PHF12: variants seen among roughly 807,000 people sequenced by gnomAD.
PHF12 encodes PHD finger protein 12.
PHF12 carries 6 observed loss-of-function variants against 99.8 expected under a neutral mutation model. The ratio of observed to expected loss-of-function variants is 0.06; its 90% CI spans 0.03 to 0.12. The LOEUF (loss-of-function observed/expected upper bound fraction) is 0.12. Among genes scored for constraint, PHF12 ranks in the 10% least tolerant of loss-of-function variants. The pLI is 1.00. For missense variants in PHF12, 954 were observed against 1,300.1 expected, an observed-to-expected ratio of 0.73 and a Z score of 4.09; for synonymous variants, 480 against 514.9, an observed-to-expected ratio of 0.93 and a Z score of 0.92.
At chr17:28,928,559 A>T (rs896938107) in intron 2 of PHF12, among the ~76,000 whole-genome samples, 1 of 152,144 alleles carries the variant, frequency 6.6e-6, no homozygotes, top group Non-Finnish European at 1.5e-5. Context: ...CACACAGCAG[A>T]TCACCTGAGA....
chr17:28,919,461 G>A (rs986731581), intron 5 of PHF12, among the ~76,000 whole-genome samples, 186 bp from the exon 6 acceptor site: 4 of 152,222 alleles, frequency 2.6e-5, no homozygotes, highest in Admixed American at 2.0e-4. Flanking sequence ...GGGCTGGTGC[G>A]ATGGCTCACG....
chr17:28,950,683 C>G lies in PHF12; in HGVS notation c.66+212G>C, dbSNP rs1209350347. 1.5e-6 allele frequency: 1 copy of G among 647,708 alleles called. No homozygotes were observed. Among genetic ancestry groups the G allele is most frequent in the Non-Finnish European group, 2.4e-6 (1 of 413,940 alleles). 40.1% of individuals were successfully genotyped at this position (647,708 alleles called of 1,614,324 possible). A position where few individuals can be genotyped will look rare whatever the true frequency, so the allele number is the denominator to read the frequency against. On this transcript the variant is annotated intron_variant, in intron 1 of 14. Coordinates refer to ENST00000332830, the MANE Select transcript of PHF12 (RefSeq NM_001033561.2). The surrounding 1 kb of genome is among the most constrained non-coding windows in gnomAD (Gnocchi z 5.7). Reference sequence around the variant, plus strand: ...GGGCTGGCGCCTCGGGAGAGCGAATCGAGGGCGGCGGGTAGGTGAAACTGC... The same window carrying G: ...GGGCTGGCGCCTCGGGAGAGCGAATGGAGGGCGGCGGGTAGGTGAAACTGC...
chr17:28,940,991 T>C (rs777584879), intron 2 of PHF12, among the ~76,000 whole-genome samples: 1 of 150,994 alleles, frequency 6.6e-6, no homozygotes, highest in African/African-American at 2.4e-5. Flanking sequence ...TTGTACTCCC[T>C]GGGGCCTCTA....
In PHF12 at chr17:28,917,444, G is replaced by A; in HGVS notation, c.975C>T (p.Asn325=). The change falls in exon 7 of 15, where the codon AAC becomes AAT. Residue 325 remains asparagine (N), a synonymous_variant. Transcript: ENST00000332830. ...GATTGCTCAGTGTCATATTCTTCTG[G>A]TTCAGCTAGGGACAAAGCAGACACA... is the stretch of plus-strand genomic sequence containing the variant. ...CPNHIEHVVL[N]QKNMTLSNRC... 6.2e-7 allele frequency: 1 copy of A among 1,605,726 alleles called. No homozygotes were observed. The highest frequency in any genetic ancestry group is 1.3e-5 in the African/African-American group (1 of 74,900).
chr17:28,921,589 C>T, intron 5 of PHF12, 99 bp downstream of exon 5: 1 of 1,426,082 alleles, frequency 7.0e-7, no homozygotes, highest in South Asian at 1.2e-5. Context: ...AGAATATGGG[C>T]TGTTCACATT....
In PHF12 at chr17:28,919,170, C is replaced by T. The variant is rs771106817; in HGVS notation, c.942G>A (p.Met314Ile). 1.2e-6 allele frequency: 2 copies of T among 1,614,062 alleles called. No homozygotes were observed. Among genetic ancestry groups the T allele is most frequent in the African/African-American group, 2.7e-5 (2 of 74,942 alleles). The change falls in exon 6 of 15, where the codon ATG becomes ATA. Residue 314 changes from methionine (M) to isoleucine (I), a missense_variant. By Grantham distance (10) the Met-to-Ile change is conservative. Around this residue, in one of 8 missense-constraint regions of PHF12, gnomAD observed 85 missense variants for 196.6 expected, o/e 0.43. Coordinates refer to ENST00000332830, the MANE Select transcript of PHF12 (RefSeq NM_001033561.2). ...CCACATGTTCGATGTGATTCGGACA[C>T]ATCCATCTGCCCAGGGGCATGGCAG... ...PLTAMPLGRW[M>I]CPNHIEHVVL...
rs1296622527 is a variant in PHF12 at position 28,906,844 on chromosome 17, G to C, written c.2680+12C>G. ...CTCAGCTTTGTGGCCACAGATCTCTGCTCCAACTTACTGATGACACTCTGC... is the reference window on the plus strand; with the variant it reads ...CTCAGCTTTGTGGCCACAGATCTCTCCTCCAACTTACTGATGACACTCTGC... On this transcript the variant is annotated intron_variant, in intron 14 of 14. Coordinates refer to ENST00000332830, the MANE Select transcript of PHF12 (RefSeq NM_001033561.2). This position sits in a 1 kb window ranked among gnomAD's most constrained non-coding sequence, Gnocchi z 4.2. 2 of 1,588,868 alleles carry C rather than the reference G, an allele frequency of 1.3e-6. No homozygotes were observed. The highest frequency in any genetic ancestry group is 2.2e-5 in the East Asian group (1 of 44,646).
At chr17:28,915,255 C>T (rs2040041690) in intron 7 of PHF12, among the ~76,000 whole-genome samples, 1 of 152,098 alleles carries the variant, frequency 6.6e-6, no homozygotes, top group South Asian at 2.1e-4. Flanking sequence ...TGGAAAACAT[C>T]CAGAGAACCA....
intron 5 of PHF12, among the ~76,000 whole-genome samples, chr17:28,920,695 T>C (rs1429649601): frequency 6.6e-6 from 1 of 151,970 alleles, no homozygotes; most frequent in Non-Finnish European, 1.5e-5. Context: ...CCTGAGTAGC[T>C]GGGACTACAG....
At chr17:28,939,667 G>C (rs2040577775) in intron 2 of PHF12, among the ~76,000 whole-genome samples, 1 of 152,228 alleles carries the variant, frequency 6.6e-6, no homozygotes, top group Non-Finnish European at 1.5e-5. Flanking sequence ...GAAGCTCTGT[G>C]CATTTCATTA....
intron 2 of PHF12, among the ~76,000 whole-genome samples, chr17:28,946,183 G>A (rs1169224101): frequency 4.6e-5 from 7 of 152,006 alleles, no homozygotes; most frequent in Non-Finnish European, 1.0e-4. Context: ...AATTCTCTAG[G>A]GACAGGTTTA....
chr17:28,915,571 C>A (rs1339971917), intron 7 of PHF12, among the ~76,000 whole-genome samples: 2 of 151,908 alleles, frequency 1.3e-5, no homozygotes, highest in African/African-American at 4.8e-5. Context: ...TCTGAGATCA[C>A]CCAGGAATGA....
In PHF12 at chr17:28,910,938, GCTTT is replaced by G. The variant is rs1163524723; in HGVS notation, c.2215+170_2215+173del. 7.2e-6 allele frequency: 6 copies of G among 832,268 alleles called. No individual in the cohort carries two copies. In the South Asian group the frequency reaches 7.3e-5, roughly 10 times the overall value. The allele number at this position is 832,268 out of a possible 1,614,324, so 51.6% of individuals were successfully genotyped here. On this transcript the variant is annotated intron_variant, in intron 10 of 14. Coordinates refer to ENST00000332830, the MANE Select transcript of PHF12 (RefSeq NM_001033561.2). ...TGTAGAAGGCAGAGCTACAGAAGGA[GCTTT>G]CTTTTTCACCCCGCCCCCCCATCCA...
intron 2 of PHF12, among the ~76,000 whole-genome samples, chr17:28,946,049 T>G (rs1445373597): frequency 4.6e-5 from 7 of 152,156 alleles, no homozygotes; most frequent in African/African-American, 1.7e-4. Flanking sequence ...GAAAGGAGAA[T>G]TGCTTGAGCC....
intron 8 of PHF12, 57 bp from the exon 9 acceptor site, chr17:28,913,334 T>C (rs1467349750): frequency 3.2e-6 from 5 of 1,550,096 alleles, no homozygotes; most frequent in Non-Finnish European, 4.3e-6. Context: ...CGGTCCTTCC[T>C]GCCACAGTGG....
chr17:28,941,699 G>A (rs1361551564), intron 2 of PHF12, among the ~76,000 whole-genome samples: 1 of 152,026 alleles, frequency 6.6e-6, no homozygotes, highest in Non-Finnish European at 1.5e-5. Flanking sequence ...CACCTCCCGG[G>A]TTCAAGCGAT....
chr17:28,906,799 A>T lies in PHF12; in HGVS notation c.2680+57T>A. On this transcript the variant is annotated intron_variant, in intron 14 of 14. Transcript: ENST00000332830. This position sits in a 1 kb window ranked among gnomAD's most constrained non-coding sequence, Gnocchi z 4.2. ...AGAGACAGACCATGGGCAGCAAGTC[A>T]GAACCACCCTGACTGGGGCCTCAGC... The T allele has an allele frequency of 6.5e-7, 1 of 1,544,012 alleles. No homozygotes were observed. The highest frequency in any genetic ancestry group is 8.8e-7 in the Non-Finnish European group (1 of 1,142,056).
At position 28,950,435 on chromosome 17, in the gene PHF12, CACA is replaced by C. The variant is rs764230439; in HGVS notation, c.67-192_67-190del. 69 of 624,070 alleles carry C rather than the reference CACA, an allele frequency of 1.1e-4. No individual in the cohort carries two copies. In the East Asian group the frequency reaches 1.5e-3, roughly 14 times the overall value. The allele number at this position is 624,070 out of a possible 1,614,324, so 38.7% of individuals were successfully genotyped here. ...GCCCACCCTAACCGCGTTCCTGCAG[CACA>C]ACAACGAGAACAGCTTCTTCCAAAT... On this transcript the variant is annotated intron_variant, in intron 1 of 14. Transcript: ENST00000332830. This position sits in a 1 kb window ranked among gnomAD's most constrained non-coding sequence, Gnocchi z 5.7.
chr17:28,906,799 A>G lies in PHF12; in HGVS notation c.2680+57T>C. ...AGAGACAGACCATGGGCAGCAAGTC[A>G]GAACCACCCTGACTGGGGCCTCAGC... On this transcript the variant is annotated intron_variant, in intron 14 of 14. Coordinates refer to ENST00000332830, the MANE Select transcript of PHF12 (RefSeq NM_001033561.2). This position sits in a 1 kb window ranked among gnomAD's most constrained non-coding sequence, Gnocchi z 4.2. The G allele has an allele frequency of 6.5e-7, 1 of 1,544,012 alleles. No homozygotes were observed. Among genetic ancestry groups the G allele is most frequent in the Non-Finnish European group, 8.8e-7 (1 of 1,142,056 alleles).
Sources: gnomAD v4.1 joint callset for allele counts (sites outside exome capture counted in the v4.1 genomes callset) on GRCh38, gnomAD v4.1.1 for gene constraint, gnomAD v4.1.1 regional missense constraint, Gnocchi (gnomAD v3.1) non-coding constraint, MANE v1.5 for transcripts, NCBI Gene and HGNC (gene_info 2026-07-23, HGNC 2026-07-21) for gene names.